Variants in GABBR2 observed in about 807,000 individuals in gnomAD.
GABBR2 encodes G-protein coupled receptor 51.
A neutral mutation model predicts 105.6 loss-of-function variants in GABBR2; 23 were observed. The observed-to-expected ratio is 0.22, with a 90% CI of 0.16 to 0.31. The LOEUF (loss-of-function observed/expected upper bound fraction) is 0.31, where lower values mean the gene tolerates loss of function less well. Ranked by LOEUF, GABBR2 falls within the 10% of genes least tolerant of loss-of-function variation. The pLI is 1.00. For synonymous variants in GABBR2, 478 were observed against 499.7 expected (o/e 0.96, Z 0.58); for missense variants, 734 against 1,245.5 (o/e 0.59, Z 6.18).
At chr9:98,416,858 TC>T in intron 7 of GABBR2, among the ~76,000 whole-genome samples, 1 of 152,328 alleles carries the variant, frequency 6.6e-6, no homozygotes, top group East Asian at 1.9e-4. Context: ...TTGTATTAAA[TC>T]CCCTCTGTTT....
intron 3 of GABBR2, among the ~76,000 whole-genome samples, chr9:98,519,593 C>G (rs1827826941): frequency 6.6e-6 from 1 of 152,162 alleles, no homozygotes; most frequent in Non-Finnish European, 1.5e-5. Context: ...AAATGAGATT[C>G]AGAGCTGTTG....
At chr9:98,502,577 C>A (rs2131680895) in intron 3 of GABBR2, among the ~76,000 whole-genome samples, 1 of 152,314 alleles carries the variant, frequency 6.6e-6, no homozygotes, top group Admixed American at 6.5e-5. Flanking sequence ...AGGCTCCTAA[C>A]CCCTGCAACT....
intron 13 of GABBR2, among the ~76,000 whole-genome samples, chr9:98,322,892 G>A (rs940725685): frequency 6.6e-6 from 1 of 151,902 alleles, no homozygotes; most frequent in Non-Finnish European, 1.5e-5. Flanking sequence ...TTCCTGTTCC[G>A]CTATCGCCCC....
At chr9:98,399,759 T>C (rs1832357938) in intron 8 of GABBR2, among the ~76,000 whole-genome samples, 1 of 152,172 alleles carries the variant, frequency 6.6e-6, no homozygotes, top group Non-Finnish European at 1.5e-5. Context: ...AGGTAGTTTA[T>C]AGACAAGTGA....
Position 98,652,291 on chromosome 9 carries a change from C to T in GABBR2, c.321+56126G>A, listed in dbSNP as rs150982246. Among the ~76,000 whole-genome samples, 25 of 152,230 alleles carry T rather than the reference C, an allele frequency of 1.6e-4. No homozygotes were observed. The East Asian group carries it at 3.9e-3, about 23-fold the overall frequency. On this transcript the variant is annotated intron_variant, in intron 1 of 18. Transcript: ENST00000259455. ...AAGCCATGGACCTTCCCTCCCAGCC[C>T]CATTCTGCACTCTCAGGTCCAACTT...
intron 2 of GABBR2, among the ~76,000 whole-genome samples, chr9:98,545,361 C>T (rs747352466): frequency 2.1e-4 from 32 of 152,304 alleles, no homozygotes; most frequent in South Asian, 2.1e-4. Flanking sequence ...GATTGCTTTG[C>T]GTCACTGTTT....
intron 13 of GABBR2, among the ~76,000 whole-genome samples, chr9:98,349,254 T>C (rs1196747596): frequency 6.6e-6 from 1 of 152,126 alleles, no homozygotes; most frequent in Non-Finnish European, 1.5e-5. Flanking sequence ...CGTTGAATCA[T>C]TCTTGCAACC....
intron 1 of GABBR2, among the ~76,000 whole-genome samples, chr9:98,614,080 G>A (rs1321679839): frequency 6.6e-6 from 1 of 152,148 alleles, no homozygotes; most frequent in African/African-American, 2.4e-5. Flanking sequence ...TAGAAAAAAA[G>A]AAATTAATTT....
At chr9:98,322,041 G>A (rs1830831151) in intron 13 of GABBR2, among the ~76,000 whole-genome samples, 3 of 151,638 alleles carry the variant, frequency 2.0e-5, no homozygotes, top group South Asian at 4.2e-4. Flanking sequence ...CCCTCCCACC[G>A]CTCTCCAGCC....
chr9:98,551,289 G>T (rs1828481380), intron 2 of GABBR2, among the ~76,000 whole-genome samples: 1 of 152,112 alleles, frequency 6.6e-6, no homozygotes, highest in African/African-American at 2.4e-5. Context: ...TGTAATCCCA[G>T]CTACCCAGGA....
intron 8 of GABBR2, among the ~76,000 whole-genome samples, chr9:98,399,351 C>CAA (rs56407615): frequency 0.064 from 6,278 of 98,232 alleles, 638 homozygotes; most frequent in African/African-American, 0.21. Context: ...GACTCCATCT[C>CAA]AAAAAAAAAA....
intron 1 of GABBR2, among the ~76,000 whole-genome samples, chr9:98,660,088 T>G (rs1410484952): frequency 6.6e-6 from 1 of 152,208 alleles, no homozygotes; most frequent in African/African-American, 2.4e-5. Flanking sequence ...ATGTCAAAAC[T>G]GGATACAGAA....
chr9:98,572,865 C>G (rs1462178505), intron 2 of GABBR2, among the ~76,000 whole-genome samples: 1 of 152,178 alleles, frequency 6.6e-6, no homozygotes. Flanking sequence ...CCAAGCCCCC[C>G]CAGCATGCCC....
At chr9:98,499,778 G>A (rs1827364218) in intron 3 of GABBR2, among the ~76,000 whole-genome samples, 1 of 152,244 alleles carries the variant, frequency 6.6e-6, no homozygotes, top group African/African-American at 2.4e-5. Flanking sequence ...CAGGCCAGGT[G>A]CGGTGGCTCA....
intron 6 of GABBR2, among the ~76,000 whole-genome samples, chr9:98,472,525 C>T (rs1169735651): frequency 1.3e-5 from 2 of 152,140 alleles, no homozygotes; most frequent in South Asian, 2.1e-4. Flanking sequence ...TGATAACCCC[C>T]AGAAGGGGGT....
chr9:98,505,539 G>A (rs1381822904), intron 3 of GABBR2, among the ~76,000 whole-genome samples: 1 of 152,104 alleles, frequency 6.6e-6, no homozygotes, highest in African/African-American at 2.4e-5. Context: ...ATAGGTCTAA[G>A]TTCTAACCCT....
chr9:98,295,487 T>G (rs1259984047), intron 17 of GABBR2, among the ~76,000 whole-genome samples: 1 of 152,182 alleles, frequency 6.6e-6, no homozygotes, highest in Non-Finnish European at 1.5e-5. Context: ...ATAGTGCTGT[T>G]GGCTGTGAGT....
At chr9:98,497,166 C>A (rs542814090) in intron 3 of GABBR2, among the ~76,000 whole-genome samples, 1 of 152,298 alleles carries the variant, frequency 6.6e-6, no homozygotes, top group East Asian at 1.9e-4. Flanking sequence ...CTTTGGGAGG[C>A]CAAGACGGGG....
chr9:98,580,946 T>A (rs1261624090), intron 1 of GABBR2: 2 of 152,218 alleles, frequency 1.3e-5, no homozygotes, highest in African/African-American at 4.8e-5. Flanking sequence ...GACCGCTATA[T>A]GGGAGCAGAG....
Sources: gnomAD v4.1 joint callset for allele counts (sites outside exome capture counted in the v4.1 genomes callset) on GRCh38, gnomAD v4.1.1 for gene constraint, MANE v1.5 for transcripts, NCBI Gene and HGNC (gene_info 2026-07-23, HGNC 2026-07-21) for gene names.